ACYP2: variants seen among roughly 807,000 people sequenced by gnomAD.
The protein encoded by ACYP2 is acylphosphatase 2, also known as acylphosphatase-2.
In ACYP2, 12 loss-of-function variants were observed where a neutral mutation model predicts 11.2. The observed-to-expected ratio is 1.08, with a 90% CI of 0.69 to 1.74. The LOEUF is 1.74. Ranked by LOEUF, ACYP2 falls within the 40% of genes most tolerant of loss-of-function variation. ACYP2 has a pLI of 0.00. For synonymous variants in ACYP2, 43 were observed against 32.2 expected, an observed-to-expected ratio of 1.33 and a Z score of -1.13; for missense variants, 134 against 101.9, an observed-to-expected ratio of 1.31 and a Z score of -1.35.
At chr2:53,997,976 G>A (rs938433545) in intron 2 of ACYP2, among the ~76,000 whole-genome samples, 4 of 152,110 alleles carry the variant, frequency 2.6e-5, no homozygotes, top group Admixed American at 2.6e-4. Flanking sequence ...ATAGACTTTG[G>A]TGGTGTTTGC....
intron 4 of ACYP2, among the ~76,000 whole-genome samples, chr2:54,105,892 T>C (rs572587521): frequency 6.6e-6 from 1 of 152,016 alleles, no homozygotes; most frequent in Middle Eastern, 3.4e-3. Flanking sequence ...TGAAAGACTG[T>C]TGAAGGCAGT....
chr2:54,079,124 G>A (rs1333583366), intron 4 of ACYP2, among the ~76,000 whole-genome samples: 3 of 152,140 alleles, frequency 2.0e-5, no homozygotes, highest in African/African-American at 4.8e-5. Flanking sequence ...GAGCTGGGAG[G>A]TATCAAGTTA....
intron 4 of ACYP2, chr2:54,080,420 TAC>T (rs2103663870): frequency 6.6e-6 from 1 of 152,386 alleles, no homozygotes; most frequent in South Asian, 2.1e-4. Flanking sequence ...GTATTAGCAT[TAC>T]AGAGATACCG....
chr2:54,205,502 C>G (rs1273235389), intron 6 of ACYP2, among the ~76,000 whole-genome samples: 2 of 152,164 alleles, frequency 1.3e-5, no homozygotes, highest in Non-Finnish European at 2.9e-5. Context: ...ATACATCTAC[C>G]CTTCACCTCT....
chr2:54,229,357 T>G (rs1032341123), intron 6 of ACYP2, among the ~76,000 whole-genome samples: 11 of 152,198 alleles, frequency 7.2e-5, no homozygotes, highest in African/African-American at 2.7e-4. Flanking sequence ...TTTTAAGAAA[T>G]GTAGTATGTT....
intron 6 of ACYP2, among the ~76,000 whole-genome samples, chr2:54,290,666 G>A (rs111767293): frequency 2.0e-4 from 31 of 152,006 alleles, no homozygotes; most frequent in Non-Finnish European, 4.0e-4. Flanking sequence ...GTTCTCTATC[G>A]GCTAATGGCA....
In ACYP2 at chr2:54,303,826, G is replaced by A. The variant is rs376198173; in HGVS notation, c.405-862G>A. 1.4e-4 allele frequency among the ~76,000 whole-genome samples: 21 copies of A among 152,336 alleles called. No homozygotes were observed. In the East Asian group the frequency reaches 3.3e-3, roughly 24 times the overall value. On this transcript the variant is annotated intron_variant, in intron 6 of 6. Coordinates refer to ENST00000607452, the MANE Select transcript of ACYP2 (RefSeq NM_001320586.2). ...TTCTACAACAGCAACTGAGATAACA[G>A]CCATCATTTGTATAAAACAGCCTTG...
At chr2:54,001,282 G>C (rs1313700260) in intron 2 of ACYP2, among the ~76,000 whole-genome samples, 1 of 152,074 alleles carries the variant, frequency 6.6e-6, no homozygotes, top group African/African-American at 2.4e-5. Context: ...GAATACTTGG[G>C]TCTGGGTGTT....
intron 2 of ACYP2, among the ~76,000 whole-genome samples, chr2:53,987,929 T>C (rs1405026465): frequency 6.6e-6 from 1 of 152,216 alleles, no homozygotes; most frequent in East Asian, 1.9e-4. Flanking sequence ...ACTACTCTTT[T>C]GTCAGATATG....
chr2:54,175,415 C>T (rs1683416004), intron 6 of ACYP2, among the ~76,000 whole-genome samples: 2 of 151,188 alleles, frequency 1.3e-5, no homozygotes, highest in African/African-American at 4.9e-5. Context: ...TTTGATTCTT[C>T]TCTCTTTCCT....
chr2:54,051,948 G>A (rs1573613046), intron 3 of ACYP2, among the ~76,000 whole-genome samples: 1 of 152,076 alleles, frequency 6.6e-6, no homozygotes, highest in East Asian at 1.9e-4. Context: ...TCGGGAAGCT[G>A]AGGCATGAGA....
chr2:54,282,736 G>GT (rs917726572), intron 6 of ACYP2, among the ~76,000 whole-genome samples: 19 of 149,900 alleles, frequency 1.3e-4, no homozygotes, highest in Non-Finnish European at 1.3e-4. Flanking sequence ...TTGTTTGGAA[G>GT]TTTTTTTTTT....
chr2:54,155,673 A>G (rs967123509), intron 6 of ACYP2, among the ~76,000 whole-genome samples: 5 of 152,170 alleles, frequency 3.3e-5, no homozygotes, highest in African/African-American at 1.2e-4. Flanking sequence ...TCTTCCACCA[A>G]ACTGGTCCCT....
intron 6 of ACYP2, among the ~76,000 whole-genome samples, chr2:54,269,676 T>G (rs1355058979): frequency 6.6e-6 from 1 of 152,242 alleles, no homozygotes; most frequent in African/African-American, 2.4e-5. Context: ...TGATTTCTTC[T>G]GTTTAACTTT....
chr2:53,985,125 A>G (rs1283045106), intron 2 of ACYP2, among the ~76,000 whole-genome samples: 1 of 147,794 alleles, frequency 6.8e-6, no homozygotes, highest in African/African-American at 2.5e-5. Context: ...GCTGGAGCAC[A>G]GTGGCGCAAT....
At chr2:54,121,793 C>T (rs1352351689) in intron 4 of ACYP2, among the ~76,000 whole-genome samples, 1 of 152,218 alleles carries the variant, frequency 6.6e-6, no homozygotes, top group Admixed American at 6.5e-5. Flanking sequence ...TCTGTGTACA[C>T]TTGTATGTGT....
rs997825336 is a variant in ACYP2 at position 54,153,592 on chromosome 2, ACTTTTTTTTTTTT to A, written c.404+14857_404+14869del. On this transcript the variant is annotated intron_variant, in intron 6 of 6. Coordinates refer to ENST00000607452, the MANE Select transcript of ACYP2 (RefSeq NM_001320586.2). Reference sequence around the variant, plus strand: ...CTGAAGGTCATTTTGGGTAGTGTGGACTTTTTTTTTTTTCTTTTTTTTTTTGAGACAGAGTCTC... The same window carrying A: ...CTGAAGGTCATTTTGGGTAGTGTGGACTTTTTTTTTTTGAGACAGAGTCTC... Among the ~76,000 whole-genome samples, 95 of 128,348 alleles carry A rather than the reference ACTTTTTTTTTTTT, an allele frequency of 7.4e-4. 2 individuals are homozygous for A. The highest frequency in any genetic ancestry group is 1.5e-3 in the East Asian group (6 of 4,104). 84.2% of individuals were successfully genotyped at this position (128,348 alleles called of 152,430 possible).
chr2:54,023,554 TTAGTA>T (rs1417049734), intron 2 of ACYP2, among the ~76,000 whole-genome samples: 1 of 152,204 alleles, frequency 6.6e-6, no homozygotes, highest in Non-Finnish European at 1.5e-5. Context: ...TTTAACCATT[TTAGTA>T]TATTGCTAAT....
At chr2:54,029,472 T>C (rs1345572838) in intron 2 of ACYP2, 3 of 347,294 alleles carry the variant, frequency 8.6e-6, no homozygotes, top group Non-Finnish European at 1.6e-5. Context: ...CATATATGTG[T>C]ATATATGTAT....
Sources: allele counts gnomAD v4.1 joint callset (sites outside exome capture counted in the v4.1 genomes callset), GRCh38; gene constraint gnomAD v4.1.1; transcripts MANE v1.5; gene names NCBI Gene and HGNC (gene_info 2026-07-23, HGNC 2026-07-21).